NPIPA6: variants seen among roughly 807,000 people sequenced by gnomAD.
NPIPA6 encodes the protein nuclear pore complex interacting protein family, member A6.
At chr16:16,337,250 A>T in the NPIPA6 span, 1 of 164,646 alleles carries the variant, frequency 6.1e-6, no homozygotes, top group Non-Finnish European at 1.1e-5. Context: ...TTTAAGACAG[A>T]GTCTCATTCT....
the NPIPA6 span, among the ~76,000 whole-genome samples, chr16:16,343,694 C>G: frequency 1.7e-5 from 2 of 118,812 alleles, no homozygotes; most frequent in South Asian, 6.2e-4. Flanking sequence ...CCATGCCAGC[C>G]TCATGTCATT....
chr16:16,339,465 CA>C, the NPIPA6 span, among the ~76,000 whole-genome samples: 1 of 64,992 alleles, frequency 1.5e-5, no homozygotes, highest in Non-Finnish European at 4.4e-5. Flanking sequence ...ACAAAAAATA[CA>C]AAAATTTGCT....
chr16:16,343,370 C>A, the NPIPA6 span, among the ~76,000 whole-genome samples: 2 of 74,376 alleles, frequency 2.7e-5, no homozygotes, highest in African/African-American at 5.9e-5. Context: ...GGATTACAGG[C>A]GTGAGCTACC....
chr16:16,336,556 C>G, the NPIPA6 span: 3 of 197,468 alleles, frequency 1.5e-5, no homozygotes, highest in Middle Eastern at 1.7e-3. Flanking sequence ...TTACTTCCCC[C>G]CTTCCCCTCC....
the NPIPA6 span, chr16:16,337,293 CG>C: frequency 8.4e-6 from 1 of 119,250 alleles, no homozygotes; most frequent in Non-Finnish European, 1.5e-5. Context: ...GGCAAGATCT[CG>C]GCTCACTGCA....
chr16:16,337,290 TC>T, the NPIPA6 span: 1 of 124,180 alleles, frequency 8.1e-6, no homozygotes, highest in Non-Finnish European at 1.5e-5. Flanking sequence ...AGTGGCAAGA[TC>T]TCGGCTCACT....
the NPIPA6 span, among the ~76,000 whole-genome samples, chr16:16,343,585 A>G: frequency 9.0e-6 from 1 of 111,230 alleles, no homozygotes; most frequent in Non-Finnish European, 1.8e-5. Context: ...TAGCAGAGAC[A>G]GCGTTTCTCC....
At chr16:16,336,641 C>A in the NPIPA6 span, 2 of 161,580 alleles carry the variant, frequency 1.2e-5, no homozygotes, top group East Asian at 3.5e-4. Flanking sequence ...TCCCCCCTGC[C>A]CTAAGCCACC....
chr16:16,336,689 G>A, the NPIPA6 span: 1 of 83,656 alleles, frequency 1.2e-5, no homozygotes, highest in Admixed American at 2.3e-4. Flanking sequence ...CGCCCTGAAA[G>A]GACCAGGACA....
the NPIPA6 span, chr16:16,344,286 A>G: frequency 4.1e-4 from 1 of 2,444 alleles, no homozygotes; most frequent in South Asian, 2.3e-3. Flanking sequence ...GCACACAAAG[A>G]AAAGAGTTTC....
At chr16:16,333,886 TG>T in the NPIPA6 span, 2 of 447,540 alleles carry the variant, frequency 4.5e-6, no homozygotes, top group Non-Finnish European at 3.9e-6. Flanking sequence ...TTCTAAGAGG[TG>T]GGTTCCCTAG....
At chr16:16,338,380 G>T in the NPIPA6 span, among the ~76,000 whole-genome samples, 1 of 122,652 alleles carries the variant, frequency 8.2e-6, no homozygotes. Flanking sequence ...CTCCACCTTG[G>T]TAATTTTTTT....
the NPIPA6 span, among the ~76,000 whole-genome samples, chr16:16,338,207 C>T: frequency 5.6e-5 from 4 of 71,614 alleles, no homozygotes; most frequent in Non-Finnish European, 9.6e-5. Context: ...GAGATGTTTT[C>T]AAGAATATAT....
the NPIPA6 span, among the ~76,000 whole-genome samples, chr16:16,337,207 G>C: frequency 3.4e-4 from 39 of 114,968 alleles, 1 homozygote; most frequent in Admixed American, 2.4e-3. Flanking sequence ...CATTTGATTT[G>C]TGTCATCTGG....
chr16:16,343,320 T>G, the NPIPA6 span, among the ~76,000 whole-genome samples: 1 of 116,748 alleles, frequency 8.6e-6, no homozygotes, highest in African/African-American at 3.3e-5. Flanking sequence ...CTCCATCTCT[T>G]GACCTTGTGA....
the NPIPA6 span, among the ~76,000 whole-genome samples, chr16:16,343,358 TG>T: frequency 3.2e-5 from 3 of 92,912 alleles, no homozygotes; most frequent in African/African-American, 4.5e-5. Context: ...CCCAAAGTGC[TG>T]GGATTACAGG....
At chr16:16,332,119 T>G in the NPIPA6 span, 1 of 204,452 alleles carries the variant, frequency 4.9e-6, no homozygotes. Flanking sequence ...TCAACACACT[T>G]GAGCAGCCTT....
At chr16:16,343,736 TG>T in the NPIPA6 span, among the ~76,000 whole-genome samples, 1 of 80,570 alleles carries the variant, frequency 1.2e-5, no homozygotes, top group Non-Finnish European at 2.4e-5. Flanking sequence ...TGTGTGTGTG[TG>T]TGTGACAGAG....
At chr16:16,343,730 T>C in the NPIPA6 span, among the ~76,000 whole-genome samples, 1 of 80,630 alleles carries the variant, frequency 1.2e-5, no homozygotes, top group African/African-American at 4.9e-5. Flanking sequence ...TGTGTGTGTG[T>C]GTGTGTGTGT....
Sources: allele counts gnomAD v4.1 joint callset (sites outside exome capture counted in the v4.1 genomes callset), GRCh38; gene constraint gnomAD v4.1.1; transcripts MANE v1.5; gene names NCBI Gene and HGNC (gene_info 2026-07-23, HGNC 2026-07-21).